Variants in PDE8B observed in about 807,000 individuals in gnomAD.
PDE8B encodes high affinity cAMP-specific and IBMX-insensitive 3',5'-cyclic phosphodiesterase 8B.
PDE8B carries 26 observed loss-of-function variants against 101.3 expected under a neutral mutation model. That is an observed-to-expected ratio of 0.26 (90% CI 0.19 to 0.36). The LOEUF is 0.36. Among genes scored for constraint, PDE8B ranks in the 10% least tolerant of loss-of-function variants. The pLI is 1.00. For missense variants in PDE8B, 810 were observed against 1,163.1 expected (o/e 0.70, Z 4.42); for synonymous variants, 424 against 429.3 (o/e 0.99, Z 0.15).
intron 1 of PDE8B, among the ~76,000 whole-genome samples, chr5:77,262,355 C>A (rs1229169738): frequency 6.6e-6 from 1 of 152,144 alleles, no homozygotes; most frequent in Non-Finnish European, 1.5e-5. Context: ...CACAGTCTCC[C>A]TGTGTGGCTA....
At chr5:77,197,284 AT>A in the PDE8B span, among the ~76,000 whole-genome samples, 45,150 of 146,830 alleles carry the variant, frequency 0.31, 7,050 homozygotes, top group Non-Finnish European at 0.36. Context: ...GCTAATTTAA[AT>A]TTTTTTTTTT....
the PDE8B span, among the ~76,000 whole-genome samples, chr5:77,138,744 T>A: frequency 6.6e-6 from 1 of 152,208 alleles, no homozygotes; most frequent in African/African-American, 2.4e-5. Context: ...CAATCCAGAC[T>A]CGCCTTTTCT....
chr5:77,292,932 T>C (rs887570572), intron 1 of PDE8B, among the ~76,000 whole-genome samples: 3 of 152,192 alleles, frequency 2.0e-5, no homozygotes, highest in Non-Finnish European at 2.9e-5. Flanking sequence ...CCTTGAATGC[T>C]GGAAATGTTC....
intron 10 of PDE8B, among the ~76,000 whole-genome samples, chr5:77,398,496 A>G (rs1581478384): frequency 6.6e-6 from 1 of 151,750 alleles, no homozygotes; most frequent in Non-Finnish European, 1.5e-5. Flanking sequence ...CTAATATTAT[A>G]TTTTTAGTAG....
chr5:77,412,212 A>G lies in PDE8B; in HGVS notation c.1689A>G (p.Glu563=), dbSNP rs747246566. ...NEESWDFNIF[E]LEAITHKRPL... ...AGAGTTGGGACTTCAACATCTTTGAATTGGAAGCCATTACGCATAAAAGGT... is the reference window on the plus strand; with the variant it reads ...AGAGTTGGGACTTCAACATCTTTGAGTTGGAAGCCATTACGCATAAAAGGT... The change falls in exon 16 of 22, where the codon GAA becomes GAG. Residue 563 remains glutamate (E), a synonymous_variant. Coordinates refer to ENST00000264917, the MANE Select transcript of PDE8B (RefSeq NM_003719.5). 3.1e-6 allele frequency: 5 copies of G among 1,614,162 alleles called. No homozygotes were observed. Among genetic ancestry groups the G allele is most frequent in the Non-Finnish European group, 4.2e-6 (5 of 1,180,000 alleles).
In PDE8B at chr5:77,331,407, A is replaced by G; in HGVS notation, c.656A>G (p.Asp219Gly). The change falls in exon 5 of 22, where the codon GAT becomes GGT. Residue 219 changes from aspartate to glycine, a missense_variant. Coordinates refer to ENST00000264917, the MANE Select transcript of PDE8B (RefSeq NM_003719.5). The stretch of plus-strand genomic sequence containing the variant: ...CATTTTCTGCTTTGCTGCAGATCGG[A>G]TGACCATGAAGAGGCGTCAGTCCTT... ...VILAVVSRVS[D>G]DHEEASVLPL... The G allele has an allele frequency of 6.2e-7, 1 of 1,613,840 alleles. No individual in the cohort carries two copies. The highest frequency in any genetic ancestry group is 8.5e-7 in the Non-Finnish European group (1 of 1,179,802).
the PDE8B span, among the ~76,000 whole-genome samples, chr5:77,150,000 C>T: frequency 6.6e-6 from 1 of 152,150 alleles, no homozygotes; most frequent in South Asian, 2.1e-4. Flanking sequence ...TATTTATGAG[C>T]ATGTGGGGTA....
chr5:77,166,226 T>TAAAAAAAAA, the PDE8B span, among the ~76,000 whole-genome samples: 16 of 116,190 alleles, frequency 1.4e-4, no homozygotes, highest in African/African-American at 3.3e-4. Context: ...TCGGTAAAGA[T>TAAAAAAAAA]AAAAAAAAAA....
intron 2 of PDE8B, among the ~76,000 whole-genome samples, chr5:77,318,463 C>T (rs1774321398): frequency 6.6e-6 from 1 of 152,196 alleles, no homozygotes; most frequent in African/African-American, 2.4e-5. Flanking sequence ...CGGTTCACAT[C>T]TTGCTGGCAG....
intron 18 of PDE8B, 42 bp from the exon 19 acceptor site, chr5:77,419,725 G>C: frequency 6.2e-7 from 1 of 1,611,618 alleles, no homozygotes; most frequent in Middle Eastern, 1.7e-4. Context: ...TATAATTTGA[G>C]ACACGCTGTG....
intron 1 of PDE8B, among the ~76,000 whole-genome samples, chr5:77,287,587 A>G (rs879780879): frequency 2.0e-5 from 3 of 152,088 alleles, no homozygotes; most frequent in Non-Finnish European, 2.9e-5. Flanking sequence ...GTGAAATTAC[A>G]TGTATGTGAC....
the PDE8B span, among the ~76,000 whole-genome samples, chr5:77,179,595 G>A: frequency 6.6e-6 from 1 of 152,228 alleles, no homozygotes; most frequent in African/African-American, 2.4e-5. Context: ...AGTGATAGCA[G>A]CTACCTACCC....
chr5:77,335,556 TGTGTGTGTGA>T (rs754331508), intron 5 of PDE8B, among the ~76,000 whole-genome samples: 9,310 of 136,494 alleles, frequency 0.068, 452 homozygotes, highest in East Asian at 0.17. Flanking sequence ...TGTGTGTGTG[TGTGTGTGTGA>T]GAGAGAGAGG....
intron 10 of PDE8B, among the ~76,000 whole-genome samples, chr5:77,372,344 C>T (rs756075753): frequency 1.5e-4 from 23 of 152,204 alleles, no homozygotes; most frequent in Non-Finnish European, 1.9e-4. Flanking sequence ...ATGTCTTTCA[C>T]ATCTATTTAG....
chr5:77,351,294 T>C, intron 9 of PDE8B, 141 bp downstream of exon 9: 1 of 732,500 alleles, frequency 1.4e-6, no homozygotes, highest in South Asian at 1.5e-5. Flanking sequence ...TCGAGGGTGC[T>C]TCCACTCAGC....
At chr5:77,163,194 A>G in the PDE8B span, among the ~76,000 whole-genome samples, 145,057 of 152,308 alleles carry the variant, frequency 0.95, 69,151 homozygotes, top group East Asian at 1. Context: ...AAAATTATGA[A>G]AACCTTTGGG....
At chr5:77,131,597 G>A in the PDE8B span, among the ~76,000 whole-genome samples, 1 of 152,182 alleles carries the variant, frequency 6.6e-6, no homozygotes, top group Non-Finnish European at 1.5e-5. Context: ...ACTTACCCGG[G>A]ATGAATTCCA....
chr5:77,418,446 G>C lies in PDE8B; in HGVS notation c.2129G>C (p.Arg710Thr). ...TGCAACATTTTCAAGAATATTGACA[G>C]GTTTGTTGTGCTGGGGCTCCTGTGC... ...TKCNIFKNID[R>T]NHYRTLRQAI... The change falls in exon 18 of 22, where the codon AGG (arginine) becomes ACG (threonine). Residue 710 changes from arginine (R) to threonine (T), a missense_variant and splice_region_variant. By Grantham distance (71) the Arg-to-Thr change is moderately conservative. Around this residue, in one of 4 missense-constraint regions of PDE8B, gnomAD observed 325 missense variants for 560.9 expected, o/e 0.58. Transcript: ENST00000264917. 6.2e-7 allele frequency: 1 copy of C among 1,608,254 alleles called. No individual in the cohort carries two copies. The highest frequency in any genetic ancestry group is 8.5e-7 in the Non-Finnish European group (1 of 1,175,462).
chr5:77,290,253 AG>A (rs1766980217), intron 1 of PDE8B: 1 of 1,554,114 alleles, frequency 6.4e-7, no homozygotes, highest in Non-Finnish European at 8.7e-7. Flanking sequence ...ACCTTGGAGC[AG>A]GCCTGCTGCC....
Sources: gnomAD v4.1 joint callset for allele counts (sites outside exome capture counted in the v4.1 genomes callset) on GRCh38, gnomAD v4.1.1 for gene constraint, gnomAD v4.1.1 regional missense constraint, MANE v1.5 for transcripts, NCBI Gene and HGNC (gene_info 2026-07-23, HGNC 2026-07-21) for gene names.